The following TJP1 variants were observed in gnomAD, a reference collection of about 807,000 sequenced individuals.
TJP1 encodes the protein tight junction protein 1.
TJP1 carries 43 observed loss-of-function variants against 194.2 expected under a neutral mutation model. The observed-to-expected ratio is 0.22, with a 90% CI of 0.17 to 0.29. TJP1 has a LOEUF of 0.29. Among genes scored for constraint, TJP1 ranks in the 10% least tolerant of loss-of-function variants. The pLI is 1.00. For synonymous variants in TJP1, 801 were observed against 779.0 expected (o/e 1.03, Z -0.47); for missense variants, 1,971 against 2,185.7 (o/e 0.90, Z 1.96).
intron 8 of TJP1, among the ~76,000 whole-genome samples, chr15:29,756,341 T>C (rs944287032): frequency 1.3e-5 from 2 of 152,222 alleles, no homozygotes; most frequent in Non-Finnish European, 2.9e-5. Flanking sequence ...ATTTTCCCTA[T>C]GTATATGTAT....
intron 2 of TJP1, among the ~76,000 whole-genome samples, chr15:29,856,635 TC>T (rs1192928451): frequency 6.6e-6 from 1 of 152,194 alleles, no homozygotes; most frequent in Non-Finnish European, 1.5e-5. Context: ...GAGTTCTGCA[TC>T]CGTGGATTCA....
At chr15:29,947,531 T>G (rs1014805369) in intron 2 of TJP1, among the ~76,000 whole-genome samples, 17 of 152,180 alleles carry the variant, frequency 1.1e-4, no homozygotes, top group African/African-American at 4.1e-4. Context: ...ACCTACAAAG[T>G]ACCCGTTTCC....
At chr15:29,901,848 T>A (rs1052686919) in intron 2 of TJP1, among the ~76,000 whole-genome samples, 3 of 151,846 alleles carry the variant, frequency 2.0e-5, no homozygotes, top group Non-Finnish European at 2.9e-5. Flanking sequence ...GTGTCACTTT[T>A]AATAACATTA....
chr15:29,877,879 G>A (rs1386983675), intron 2 of TJP1, among the ~76,000 whole-genome samples: 1 of 151,910 alleles, frequency 6.6e-6, no homozygotes, highest in Non-Finnish European at 1.5e-5. Flanking sequence ...ATGTTGGCCA[G>A]GCTGGTCTTG....
chr15:29,758,452 T>C (rs566311076), intron 8 of TJP1, among the ~76,000 whole-genome samples: 2 of 152,246 alleles, frequency 1.3e-5, no homozygotes, highest in African/African-American at 2.4e-5. Context: ...CCCTCCACTT[T>C]TAAGTTAAGG....
At chr15:29,751,482 C>A (rs186913752) in intron 8 of TJP1, among the ~76,000 whole-genome samples, 1 of 152,136 alleles carries the variant, frequency 6.6e-6, no homozygotes, top group African/African-American at 2.4e-5. Flanking sequence ...TTAATCTAGT[C>A]CATCCGCATT....
At chr15:29,807,580 G>C (rs1000615113) in intron 1 of TJP1, among the ~76,000 whole-genome samples, 3 of 151,884 alleles carry the variant, frequency 2.0e-5, no homozygotes, top group African/African-American at 7.3e-5. Flanking sequence ...CTCTTTCTTA[G>C]ACCACAGTAT....
intron 23 of TJP1, 130 bp from the exon 24 acceptor site, chr15:29,711,130 T>G (rs552190394): frequency 3.9e-6 from 4 of 1,038,392 alleles, no homozygotes; most frequent in South Asian, 4.2e-5. Context: ...CTCATGAGTA[T>G]GGGTAGCTAC....
intron 2 of TJP1, among the ~76,000 whole-genome samples, chr15:29,906,743 C>A (rs1475666201): frequency 6.6e-6 from 1 of 151,528 alleles, no homozygotes; most frequent in East Asian, 2.0e-4. Context: ...CCACACCCAA[C>A]TAATTTTTGT....
At chr15:29,755,628 G>A (rs959310286) in intron 8 of TJP1, among the ~76,000 whole-genome samples, 1 of 152,176 alleles carries the variant, frequency 6.6e-6, no homozygotes, top group African/African-American at 2.4e-5. Flanking sequence ...TCAATCTTCT[G>A]AAAACACTGC....
At chr15:29,758,039 T>C (rs1377857954) in intron 8 of TJP1, among the ~76,000 whole-genome samples, 1 of 152,236 alleles carries the variant, frequency 6.6e-6, no homozygotes, top group Non-Finnish European at 1.5e-5. Context: ...ATGTATTTTC[T>C]CTTATGATTT....
At chr15:29,805,296 C>G (rs2049039534) in intron 1 of TJP1, among the ~76,000 whole-genome samples, 1 of 152,208 alleles carries the variant, frequency 6.6e-6, no homozygotes, top group African/African-American at 2.4e-5. Flanking sequence ...GCCAAAACTT[C>G]AGATCCCAGT....
At chr15:29,801,974 C>T (rs1407017191) in intron 1 of TJP1, among the ~76,000 whole-genome samples, 1 of 151,722 alleles carries the variant, frequency 6.6e-6, no homozygotes, top group Admixed American at 6.6e-5. Context: ...CTGTGAACCA[C>T]GGGTTGGACA....
intron 18 of TJP1, among the ~76,000 whole-genome samples, chr15:29,724,349 A>C (rs2151173434): frequency 6.6e-6 from 1 of 152,330 alleles, no homozygotes; most frequent in African/African-American, 2.4e-5. Context: ...ACTCGGTAAC[A>C]GCTGTTGCAG....
At chr15:29,846,351 C>T (rs1431095667) in intron 2 of TJP1, among the ~76,000 whole-genome samples, 1 of 152,158 alleles carries the variant, frequency 6.6e-6, no homozygotes, top group Non-Finnish European at 1.5e-5. Context: ...AGGCCCTGCA[C>T]CTATGCTGCG....
chr15:29,954,940 C>T (rs1282809987), intron 2 of TJP1, among the ~76,000 whole-genome samples: 3 of 151,900 alleles, frequency 2.0e-5, no homozygotes, highest in African/African-American at 4.8e-5. Context: ...ATTACCCAGG[C>T]GTGGTGGCGG....
chr15:29,761,331 C>T (rs1375471555), intron 7 of TJP1, 45 bp from the exon 8 acceptor site: 2 of 1,607,456 alleles, frequency 1.2e-6, no homozygotes, highest in Non-Finnish European at 8.5e-7. Flanking sequence ...AAAATAATTA[C>T]AGTCAAGTAT....
chr15:29,803,493 T>C (rs1370828462), intron 1 of TJP1, among the ~76,000 whole-genome samples: 2 of 152,158 alleles, frequency 1.3e-5, no homozygotes, highest in Admixed American at 1.3e-4. Context: ...CTGGGTAGGT[T>C]GGGTGTATTA....
chr15:29,893,366 T>C (rs1174333467), intron 2 of TJP1, among the ~76,000 whole-genome samples: 1 of 152,170 alleles, frequency 6.6e-6, no homozygotes, highest in Non-Finnish European at 1.5e-5. Context: ...ACTCATAAAC[T>C]TAGCTGATAA....
Sources: gnomAD v4.1 joint callset for allele counts (sites outside exome capture counted in the v4.1 genomes callset) on GRCh38, gnomAD v4.1.1 for gene constraint, MANE v1.5 for transcripts, NCBI Gene and HGNC (gene_info 2026-07-23, HGNC 2026-07-21) for gene names.